The following MEI1 variants were observed in gnomAD, a reference collection of about 807,000 sequenced individuals.
MEI1 encodes meiotic double-stranded break formation protein 1, also known as meiosis inhibitor protein 1.
Under a neutral mutation model 146.2 loss-of-function variants are expected in MEI1, and 103 were observed. The observed-to-expected ratio is 0.70, with a 90% CI of 0.60 to 0.83. The LOEUF (loss-of-function observed/expected upper bound fraction) is 0.83, where lower values mean the gene tolerates loss of function less well. Ranked by LOEUF, MEI1 falls within the 40% of genes least tolerant of loss-of-function variation. MEI1 has a pLI of 0.00. For missense variants in MEI1, 1,529 were observed against 1,533.0 expected (o/e 1.00, Z 0.04); for synonymous variants, 652 against 628.2 (o/e 1.04, Z -0.57).
At chr22:41,730,964 C>T (rs976954917) in intron 9 of MEI1, among the ~76,000 whole-genome samples, 5 of 151,994 alleles carry the variant, frequency 3.3e-5, no homozygotes, top group African/African-American at 4.8e-5. Flanking sequence ...TTTCCCATGC[C>T]GCAGATATCT....
intron 11 of MEI1, among the ~76,000 whole-genome samples, chr22:41,741,315 T>G (rs2072849091): frequency 6.6e-6 from 1 of 152,210 alleles, no homozygotes; most frequent in Non-Finnish European, 1.5e-5. Flanking sequence ...TTTGTGGTAA[T>G]TTATTATAGC....
chr22:41,715,906 C>T, intron 4 of MEI1, 135 bp from the exon 5 acceptor site: 1 of 640,478 alleles, frequency 1.6e-6, no homozygotes, highest in South Asian at 1.9e-5. Context: ...GGACACTAAG[C>T]TAAAAAAGCT....
At chr22:41,736,593 C>T (rs1322141991) in intron 11 of MEI1, among the ~76,000 whole-genome samples, 1 of 151,952 alleles carries the variant, frequency 6.6e-6, no homozygotes, top group Non-Finnish European at 1.5e-5. Flanking sequence ...AGGGATCTTG[C>T]TATATTCCCC....
At chr22:41,790,999 G>A (rs964036208) in intron 26 of MEI1, among the ~76,000 whole-genome samples, 3 of 152,132 alleles carry the variant, frequency 2.0e-5, no homozygotes, top group Non-Finnish European at 4.4e-5. Flanking sequence ...AGGTATAGAG[G>A]GAAGGGCATT....
At chr22:41,726,541 G>T (rs1323133551) in intron 7 of MEI1, among the ~76,000 whole-genome samples, 2 of 152,042 alleles carry the variant, frequency 1.3e-5, no homozygotes, top group African/African-American at 4.8e-5. Flanking sequence ...TTTAAACCAA[G>T]AATCATTGTT....
rs760097609 is a variant in MEI1 at position 41,781,433 on chromosome 22, C to A, written c.2926+39C>A. ...GGCTGGGACAGTGAAGAGTGCTGGG[C>A]AGTCTGTGGTCCTCTGTATCTCAAC... On this transcript the variant is annotated intron_variant, in intron 23 of 30. Coordinates refer to ENST00000401548, the MANE Select transcript of MEI1 (RefSeq NM_152513.4). The A allele has an allele frequency of 7.4e-6, 11 of 1,492,486 alleles. No individual in the cohort carries two copies. In the South Asian group the frequency reaches 1.3e-4, roughly 18 times the overall value. 92.5% of individuals were successfully genotyped at this position (1,492,486 alleles called of 1,614,324 possible).
At chr22:41,735,232 T>G (rs1397301927) in intron 11 of MEI1, among the ~76,000 whole-genome samples, 6 of 147,322 alleles carry the variant, frequency 4.1e-5, no homozygotes, top group Middle Eastern at 3.5e-3. Flanking sequence ...AAAGTGTTTT[T>G]TTTTTTTTTT....
Position 41,728,043 on chromosome 22 carries a change from A to G in MEI1, c.865-1622A>G, listed in dbSNP as rs1414233419. On this transcript the variant is annotated intron_variant, in intron 7 of 30. Transcript: ENST00000401548. ...GGACCGCCGGCATATACCCAGACCC[A>G]CATATACTCAAGTCCTACAGTCAGC... Among the ~76,000 whole-genome samples, 5 of 152,190 alleles carry G rather than the reference A, an allele frequency of 3.3e-5. No homozygotes were observed. In the East Asian group the frequency reaches 9.6e-4, roughly 29 times the overall value.
intron 21 of MEI1, 133 bp from the exon 22 acceptor site, chr22:41,778,575 C>T (rs1449413160): frequency 1.6e-6 from 1 of 639,644 alleles, no homozygotes; most frequent in African/African-American, 1.8e-5. Context: ...TAAATCCCAA[C>T]AAAACACCTC....
chr22:41,787,288 CT>C (rs201398400), intron 26 of MEI1, among the ~76,000 whole-genome samples: 2 of 151,346 alleles, frequency 1.3e-5, no homozygotes, highest in Non-Finnish European at 3.0e-5. Context: ...ACAGAATGGG[CT>C]TTTTTTTTCC....
intron 3 of MEI1, chr22:41,709,225 G>T: frequency 1.2e-6 from 1 of 865,440 alleles, no homozygotes; most frequent in Non-Finnish European, 1.9e-6. Flanking sequence ...CACTTCACTT[G>T]GCATCTCCAG....
intron 11 of MEI1, among the ~76,000 whole-genome samples, chr22:41,732,817 G>A: frequency 1.1e-5 from 1 of 91,904 alleles, no homozygotes; most frequent in East Asian, 2.7e-4. Flanking sequence ...TTTTGTTCTT[G>A]TTGCCTAGGC....
chr22:41,794,227 A>T, intron 27 of MEI1, 144 bp from the exon 28 acceptor site: 1 of 715,654 alleles, frequency 1.4e-6, no homozygotes, highest in Non-Finnish European at 2.4e-6. Flanking sequence ...AAGCCCAGGG[A>T]AGAAAGAACC....
chr22:41,796,494 A>G (rs2076363465), intron 30 of MEI1, among the ~76,000 whole-genome samples: 1 of 151,926 alleles, frequency 6.6e-6, no homozygotes, highest in African/African-American at 2.4e-5. Flanking sequence ...ATGCCCGGCT[A>G]CATGCATTAT....
intron 7 of MEI1, among the ~76,000 whole-genome samples, chr22:41,727,930 A>G (rs1437649184): frequency 6.6e-6 from 1 of 152,178 alleles, no homozygotes; most frequent in Non-Finnish European, 1.5e-5. Context: ...TCTGCTGAGC[A>G]TGTACCAAAA....
At chr22:41,743,772 C>T (rs2073070668) in intron 12 of MEI1, among the ~76,000 whole-genome samples, 1 of 152,170 alleles carries the variant, frequency 6.6e-6, no homozygotes, top group Non-Finnish European at 1.5e-5. Flanking sequence ...CCATTATAGT[C>T]AAGCTAATGC....
At chr22:41,725,792 G>A (rs1226532881) in intron 7 of MEI1, among the ~76,000 whole-genome samples, 4 of 152,188 alleles carry the variant, frequency 2.6e-5, no homozygotes, top group South Asian at 4.1e-4. Flanking sequence ...CACTGTCACC[G>A]TGCTTACCTC....
intron 2 of MEI1, 38 bp downstream of exon 2, chr22:41,703,492 G>C: frequency 6.7e-7 from 1 of 1,497,292 alleles, no homozygotes; most frequent in Non-Finnish European, 8.9e-7. Context: ...AGTTTTGAAT[G>C]TATAGTATGT....
At chr22:41,781,910 G>A (rs2075772179) in intron 24 of MEI1, 65 bp downstream of exon 24, 2 of 1,576,550 alleles carry the variant, frequency 1.3e-6, no homozygotes, top group South Asian at 2.3e-5. Flanking sequence ...TGAAGATCCT[G>A]AGTTCTGGTC....
Sources: gnomAD v4.1 joint callset for allele counts (sites outside exome capture counted in the v4.1 genomes callset) on GRCh38, gnomAD v4.1.1 for gene constraint, MANE v1.5 for transcripts, NCBI Gene and HGNC (gene_info 2026-07-23, HGNC 2026-07-21) for gene names.